The following SHISA9 variants were observed in gnomAD, a reference collection of about 807,000 sequenced individuals.
SHISA9 encodes protein shisa-9.
SHISA9 carries 13 observed loss-of-function variants against 38.0 expected under a neutral mutation model. The ratio of observed to expected loss-of-function variants is 0.34; its 90% CI spans 0.22 to 0.54. The LOEUF (loss-of-function observed/expected upper bound fraction) is 0.54. Among genes scored for constraint, SHISA9 ranks in the 20% least tolerant of loss-of-function variants. The pLI is 0.91. For synonymous variants in SHISA9, 275 were observed against 242.0 expected (o/e 1.14, Z -1.27); for missense variants, 538 against 575.8 (o/e 0.93, Z 0.67).
chr16:13,193,082 C>G (rs1311996722), intron 2 of SHISA9, among the ~76,000 whole-genome samples: 1 of 152,172 alleles, frequency 6.6e-6, no homozygotes, highest in African/African-American at 2.4e-5. Context: ...AAGTTTCTGT[C>G]CACAGAGGTG....
In SHISA9 at chr16:12,962,313, C is replaced by T. The variant is rs549331051; in HGVS notation, c.691+45498C>T. Among the ~76,000 whole-genome samples, 24 of 152,328 alleles carry T rather than the reference C, an allele frequency of 1.6e-4. No individual in the cohort carries two copies. In the East Asian group the frequency reaches 3.9e-3, roughly 25 times the overall value. ...GGGTTGACCCCAGGCCTTCAGGCTG[C>T]TGTCATTCTGGGTTTTCTGAGCTTC... On this transcript the variant is annotated intron_variant, in intron 2 of 4. Transcript: ENST00000558583.
At chr16:12,922,797 G>A (rs928647308) in intron 2 of SHISA9, among the ~76,000 whole-genome samples, 1 of 151,598 alleles carries the variant, frequency 6.6e-6, no homozygotes, top group African/African-American at 2.4e-5. Context: ...TGGGATTACA[G>A]GTGTGAGCCA....
the SHISA9 span, among the ~76,000 whole-genome samples, chr16:13,414,646 C>CTTTTTTTTTTTTTTT: frequency 2.0e-4 from 27 of 136,640 alleles, 3 homozygotes; most frequent in East Asian, 4.3e-4. Context: ...TTCTTTCTTT[C>CTTTTTTTTTTTTTTT]TTTCTTTTTT....
intron 2 of SHISA9, among the ~76,000 whole-genome samples, chr16:13,034,556 C>T (rs1191005991): frequency 2.0e-5 from 3 of 152,204 alleles, no homozygotes; most frequent in Admixed American, 6.5e-5. Context: ...CTTTGTATAG[C>T]ACACTGTAAT....
At chr16:13,520,252 A>G in the SHISA9 span, among the ~76,000 whole-genome samples, 2 of 152,196 alleles carry the variant, frequency 1.3e-5, no homozygotes, top group Non-Finnish European at 1.5e-5. Flanking sequence ...GCACAGATCA[A>G]TAGTACCAAA....
At chr16:12,960,278 TA>T (rs1432674555) in intron 2 of SHISA9, among the ~76,000 whole-genome samples, 1 of 152,224 alleles carries the variant, frequency 6.6e-6, no homozygotes, top group Non-Finnish European at 1.5e-5. Context: ...AATATCCATT[TA>T]AAAAATTATT....
the SHISA9 span, among the ~76,000 whole-genome samples, chr16:13,308,210 G>A: frequency 3.9e-5 from 1 of 25,974 alleles, no homozygotes; most frequent in African/African-American, 2.2e-4. Context: ...CAAATTGTAG[G>A]AGCTTTTTTT....
the SHISA9 span, among the ~76,000 whole-genome samples, chr16:13,381,051 T>C: frequency 6.6e-6 from 1 of 152,144 alleles, no homozygotes; most frequent in Non-Finnish European, 1.5e-5. Flanking sequence ...TGCCACATTT[T>C]CTTAATGCAG....
In SHISA9 at chr16:13,235,808, A is replaced by G. The variant is rs1050520175; in HGVS notation, c.*399A>G. 7 of 187,342 alleles carry G rather than the reference A, an allele frequency of 3.7e-5. No individual in the cohort carries two copies. Among genetic ancestry groups the G allele is most frequent in the Non-Finnish European group, 7.7e-5 (7 of 91,120 alleles). 11.6% of individuals were successfully genotyped at this position (187,342 alleles called of 1,614,324 possible). A position where few individuals can be genotyped will look rare whatever the true frequency, so the allele number is the denominator to read the frequency against. ...AGAGAAATTGTCCATTTGAGCACAT[A>G]CACTACTTGCCACGTGCTGTCTGTT... is the stretch of plus-strand genomic sequence containing the variant. On this transcript the variant is annotated 3_prime_UTR_variant, in exon 5 of 5. Transcript: ENST00000558583.
chr16:13,352,469 G>A, the SHISA9 span, among the ~76,000 whole-genome samples: 1 of 152,122 alleles, frequency 6.6e-6, no homozygotes. Context: ...GCCGTAGGGA[G>A]ATGGGAGCGT....
the SHISA9 span, among the ~76,000 whole-genome samples, chr16:13,514,004 TA>T: frequency 8.2e-5 from 10 of 122,692 alleles, no homozygotes; most frequent in African/African-American, 2.9e-4. Flanking sequence ...TAAAATAAAA[TA>T]TTTTTTTTTA....
chr16:13,198,797 G>A (rs1425735155), intron 2 of SHISA9, among the ~76,000 whole-genome samples: 3 of 152,166 alleles, frequency 2.0e-5, no homozygotes, highest in Admixed American at 6.5e-5. Context: ...GCACAAAATG[G>A]CTATCTAAAA....
the SHISA9 span, among the ~76,000 whole-genome samples, chr16:13,497,190 G>A: frequency 6.6e-6 from 1 of 151,806 alleles, no homozygotes; most frequent in Non-Finnish European, 1.5e-5. Flanking sequence ...TATTTATGGG[G>A]TACAGTGTGA....
the SHISA9 span, among the ~76,000 whole-genome samples, chr16:13,413,012 G>T: frequency 6.6e-6 from 1 of 152,034 alleles, no homozygotes; most frequent in Non-Finnish European, 1.5e-5. Flanking sequence ...TGAATAAAAT[G>T]GTATAACAGA....
At chr16:13,282,041 AAAAG>A in the SHISA9 span, among the ~76,000 whole-genome samples, 5 of 151,880 alleles carry the variant, frequency 3.3e-5, no homozygotes, top group South Asian at 2.1e-4. Context: ...CATTATGAGA[AAAAG>A]AAAACAATAT....
the SHISA9 span, among the ~76,000 whole-genome samples, chr16:13,490,730 C>A: frequency 6.6e-6 from 1 of 152,186 alleles, no homozygotes; most frequent in Non-Finnish European, 1.5e-5. Context: ...TCTGTGTCTT[C>A]TTCCCTTCTG....
At chr16:13,110,298 G>T (rs1006153176) in intron 2 of SHISA9, among the ~76,000 whole-genome samples, 1 of 152,172 alleles carries the variant, frequency 6.6e-6, no homozygotes, top group East Asian at 1.9e-4. Context: ...CCCAAGGAAG[G>T]GGGAACACAA....
chr16:12,997,647 C>A (rs2072475106), intron 2 of SHISA9, among the ~76,000 whole-genome samples: 1 of 152,098 alleles, frequency 6.6e-6, no homozygotes, highest in Admixed American at 6.5e-5. Flanking sequence ...CTCAGGTGAT[C>A]TGCCCACCTC....
At chr16:13,152,096 A>G (rs988119005) in intron 2 of SHISA9, among the ~76,000 whole-genome samples, 2 of 152,192 alleles carry the variant, frequency 1.3e-5, no homozygotes, top group Non-Finnish European at 2.9e-5. Context: ...GCATATTATC[A>G]TACTGCTTTT....
Sources: gnomAD v4.1 joint callset for allele counts (sites outside exome capture counted in the v4.1 genomes callset) on GRCh38, gnomAD v4.1.1 for gene constraint, MANE v1.5 for transcripts, NCBI Gene and HGNC (gene_info 2026-07-23, HGNC 2026-07-21) for gene names.